ADAMTSL2: variants seen among roughly 807,000 people sequenced by gnomAD.
The protein encoded by ADAMTSL2 is ADAMTS-like protein 2.
A neutral mutation model predicts 117.0 loss-of-function variants in ADAMTSL2; 55 were observed. The ratio of observed to expected loss-of-function variants is 0.47; its 90% CI spans 0.38 to 0.59. The LOEUF is 0.59. Ranked by LOEUF, ADAMTSL2 falls within the 20% of genes least tolerant of loss-of-function variation. The pLI is 0.00. For synonymous variants in ADAMTSL2, 572 were observed against 566.4 expected (o/e 1.01, Z -0.14); for missense variants, 1,182 against 1,354.5 (o/e 0.87, Z 2.00).
chr9:133,551,523 C>T lies in ADAMTSL2; in HGVS notation c.940-2834C>T, dbSNP rs1007126625. 5.3e-5 allele frequency among the ~76,000 whole-genome samples: 8 copies of T among 152,310 alleles called. No homozygotes were observed. The South Asian group carries it at 1.2e-3, about 24-fold the overall frequency. On this transcript the variant is annotated intron_variant, in intron 9 of 18. Transcript: ENST00000651351. Reference sequence around the variant, plus strand: ...TGGCTGTGTGGGTCGCCTGATGTCCCGTAGCCCAAGTGTTCCATCTCTAGT... The same window carrying T: ...TGGCTGTGTGGGTCGCCTGATGTCCTGTAGCCCAAGTGTTCCATCTCTAGT...
chr9:133,538,573 C>T (rs1830111839), intron 4 of ADAMTSL2, 149 bp downstream of exon 4: 3 of 867,960 alleles, frequency 3.5e-6, no homozygotes, highest in Non-Finnish European at 5.5e-6. Context: ...GTTGAGAAGG[C>T]TGCGGGGGGC....
intron 15 of ADAMTSL2, 131 bp downstream of exon 15, chr9:133,568,889 TC>T: frequency 8.2e-7 from 1 of 1,218,636 alleles, no homozygotes; most frequent in Non-Finnish European, 1.2e-6. Context: ...ACCAGCCTTC[TC>T]CCATGTTATT....
chr9:133,533,865 G>C (rs910047902), upstream of ADAMTSL2, among the ~76,000 whole-genome samples: 1 of 152,188 alleles, frequency 6.6e-6, no homozygotes, highest in African/African-American at 2.4e-5. Flanking sequence ...TCTGTTTGCC[G>C]AGGATGGGCT....
At position 133,544,427 on chromosome 9, in the gene ADAMTSL2, CT is replaced by C. The variant is rs761521135; in HGVS notation, c.683-40del. On this transcript the variant is annotated intron_variant, in intron 7 of 18. Coordinates refer to ENST00000651351, the MANE Select transcript of ADAMTSL2 (RefSeq NM_014694.4). ...GTGGGCGAGTGCCACCCAAGGCTGC[CT>C]TTCCAATCAAGAGGGGCTCACTGTC... 17 of 1,546,204 alleles carry C rather than the reference CT, an allele frequency of 1.1e-5. No homozygotes were observed. In the South Asian group the frequency reaches 1.6e-4, roughly 14 times the overall value.
chr9:133,560,711 C>T (rs1015265947), intron 11 of ADAMTSL2, among the ~76,000 whole-genome samples: 1 of 152,222 alleles, frequency 6.6e-6, no homozygotes, highest in Non-Finnish European at 1.5e-5. Flanking sequence ...GGCTGGATGC[C>T]TAGTGTCCCC....
At chr9:133,555,502 C>A (rs1830584272) in intron 10 of ADAMTSL2, 56 bp from the exon 11 acceptor site, 2 of 1,610,832 alleles carry the variant, frequency 1.2e-6, no homozygotes, top group East Asian at 2.2e-5. Flanking sequence ...CCCAGGGCAG[C>A]CCTTGCCCCC....
At chr9:133,538,726 C>T (rs1830116437) in intron 4 of ADAMTSL2, among the ~76,000 whole-genome samples, 2 of 152,172 alleles carry the variant, frequency 1.3e-5, no homozygotes, top group African/African-American at 4.8e-5. Flanking sequence ...GTCGCAGCTC[C>T]ACTTTACTCA....
rs1179685837 is a variant in ADAMTSL2 at position 133,536,759 on chromosome 9, T to C, written c.47T>C (p.Val16Ala). ...TCCTGCTGGGCCTGGTTCCTGCTGG[T>C]TCTGGCAGTTGTAGCTGGGGACACA... ...QCSCWAWFLLVLAVVAGDTVS... is the reference protein window; with the variant it reads ...QCSCWAWFLLALAVVAGDTVS... The change falls in exon 2 of 19, where the codon GTT becomes GCT. Residue 16 changes from valine to alanine, a missense_variant. Coordinates refer to ENST00000651351, the MANE Select transcript of ADAMTSL2 (RefSeq NM_014694.4). The C allele has an allele frequency of 6.2e-7, 1 of 1,614,096 alleles. No homozygotes were observed. The highest frequency in any genetic ancestry group is 2.2e-5 in the East Asian group (1 of 44,888).
At chr9:133,552,774 C>A (rs1191244997) in intron 9 of ADAMTSL2, among the ~76,000 whole-genome samples, 1 of 152,126 alleles carries the variant, frequency 6.6e-6, no homozygotes, top group African/African-American at 2.4e-5. Context: ...ATTGTGGGGG[C>A]TGAACTATCG....
upstream of ADAMTSL2, among the ~76,000 whole-genome samples, chr9:133,533,194 T>C (rs551079828): frequency 1.1e-4 from 16 of 143,446 alleles, no homozygotes; most frequent in African/African-American, 4.2e-4. Context: ...TGTGTGTGTG[T>C]GTGCTGGGTG....
rs1830719348 is a variant in ADAMTSL2, at chr9:133,561,179, T to C, written c.1650-19T>C. On this transcript the variant is annotated intron_variant, in intron 11 of 18. Coordinates refer to ENST00000651351, the MANE Select transcript of ADAMTSL2 (RefSeq NM_014694.4). ...GCCTGGAGCGTCTCATCACCTTCCCTGCTTGGTCTCGCTTTCAGGACCAGG... is the reference window on the plus strand; with the variant it reads ...GCCTGGAGCGTCTCATCACCTTCCCCGCTTGGTCTCGCTTTCAGGACCAGG... The C allele has an allele frequency of 8.8e-6, 14 of 1,589,172 alleles. No homozygotes were observed. The South Asian group carries it at 1.4e-4, about 16-fold the overall frequency.
chr9:133,536,506 A>G, intron 1 of ADAMTSL2, 57 bp from the exon 2 acceptor site: 1 of 1,495,980 alleles, frequency 6.7e-7, no homozygotes, highest in African/African-American at 1.4e-5. Flanking sequence ...CTAATCATTC[A>G]CCAAGCTCCT....
chr9:133,568,416 G>C lies in ADAMTSL2; in HGVS notation c.2018G>C (p.Arg673Pro). 7 of 1,608,616 alleles carry C rather than the reference G, an allele frequency of 4.4e-6. No individual in the cohort carries two copies. The highest frequency in any genetic ancestry group is 2.2e-5 in the East Asian group (1 of 44,624). The change falls in exon 14 of 19, where the codon CGG becomes CCG. Residue 673 changes from arginine to proline, a missense_variant. Coordinates refer to ENST00000651351, the MANE Select transcript of ADAMTSL2 (RefSeq NM_014694.4). ...SDLCEAAEAV[R>P]PEERKTCRNP... is the part of the protein sequence containing the mutation. Reference sequence around the variant, plus strand: ...CTGTGCGAGGCAGCCGAGGCCGTGCGGCCCGAGGAACGCAAGACCTGCCGG... The same window carrying C: ...CTGTGCGAGGCAGCCGAGGCCGTGCCGCCCGAGGAACGCAAGACCTGCCGG...
In ADAMTSL2 at chr9:133,568,699, GAGA is replaced by G; in HGVS notation, c.2190_2192del (p.Lys730del). ...TGACCCCAACACCAGGCCTGTAGGG[GAGA>G]AGAACTGCACGGGCCCGCCCTGTGA... is the stretch of plus-strand genomic sequence containing the variant. On this transcript the variant is annotated inframe_deletion, in exon 15 of 19. Coordinates refer to ENST00000651351, the MANE Select transcript of ADAMTSL2 (RefSeq NM_014694.4). The G allele has an allele frequency of 6.2e-7, 1 of 1,613,422 alleles. No individual in the cohort carries two copies. Among genetic ancestry groups the G allele is most frequent in the East Asian group, 2.2e-5 (1 of 44,884 alleles).
intron 17 of ADAMTSL2, among the ~76,000 whole-genome samples, chr9:133,573,563 C>T (rs369600169): frequency 1.4e-3 from 206 of 152,332 alleles, no homozygotes; most frequent in African/African-American, 4.0e-3. Context: ...GGAGGGACCA[C>T]CCCTCACTGT....
upstream of ADAMTSL2, among the ~76,000 whole-genome samples, chr9:133,532,976 C>T (rs1188330619): frequency 6.6e-6 from 1 of 152,196 alleles, no homozygotes; most frequent in East Asian, 1.9e-4. Flanking sequence ...TGTGGGGTCC[C>T]TCCCAAGGGA....
At position 133,555,300 on chromosome 9, in the gene ADAMTSL2, G is replaced by T. The variant is rs901112016; in HGVS notation, c.1277-258G>T. Among the ~76,000 whole-genome samples the T allele has an allele frequency of 3.0e-5, 4 of 134,110 alleles. No homozygotes were observed. In the East Asian group the frequency reaches 1.1e-3, roughly 36 times the overall value. The allele number at this position is 134,110 out of a possible 152,430, so 88.0% of individuals were successfully genotyped here. A position where few individuals can be genotyped will look rare whatever the true frequency, so the allele number is the denominator to read the frequency against. ...ATCACACTCTGAGGTTCCGGGGGGG[G>T]CCATGAATTTTGGGGGGATGCTATT... On this transcript the variant is annotated intron_variant, in intron 10 of 18. Coordinates refer to ENST00000651351, the MANE Select transcript of ADAMTSL2 (RefSeq NM_014694.4).
chr9:133,533,927 C>T (rs1829990231), upstream of ADAMTSL2, among the ~76,000 whole-genome samples: 1 of 152,208 alleles, frequency 6.6e-6, no homozygotes, highest in African/African-American at 2.4e-5. Flanking sequence ...TTTAGGAAAG[C>T]CTCACAAAGT....
chr9:133,569,373 C>G, intron 15 of ADAMTSL2, 35 bp from the exon 16 acceptor site: 1 of 1,608,760 alleles, frequency 6.2e-7, no homozygotes, highest in Non-Finnish European at 8.5e-7. Context: ...GGCTGCCTCT[C>G]ACTGGATGTC....
Sources: gnomAD v4.1 joint callset for allele counts (sites outside exome capture counted in the v4.1 genomes callset) on GRCh38, gnomAD v4.1.1 for gene constraint, MANE v1.5 for transcripts, NCBI Gene and HGNC (gene_info 2026-07-23, HGNC 2026-07-21) for gene names.